LRP1B: variants seen among roughly 807,000 people sequenced by gnomAD.
LRP1B encodes low-density lipoprotein receptor-related protein 1B.
LRP1B carries 217 observed loss-of-function variants against 556.6 expected under a neutral mutation model. The observed-to-expected ratio is 0.39, with a 90% CI of 0.35 to 0.44. The LOEUF (loss-of-function observed/expected upper bound fraction) is 0.44, where lower values mean the gene tolerates loss of function less well. Among genes scored for constraint, LRP1B ranks in the 20% least tolerant of loss-of-function variants. The pLI is 1.00. For synonymous variants in LRP1B, 2,047 were observed against 1,865.8 expected, an observed-to-expected ratio of 1.10 and a Z score of -2.50; for missense variants, 5,053 against 5,620.8, an observed-to-expected ratio of 0.90 and a Z score of 3.23.
chr2:140,660,756 G>A (rs931987966), intron 41 of LRP1B, among the ~76,000 whole-genome samples: 2 of 152,014 alleles, frequency 1.3e-5, no homozygotes, highest in African/African-American at 4.8e-5. Context: ...AGGTACACCA[G>A]AGTTAAATAT....
intron 3 of LRP1B, among the ~76,000 whole-genome samples, chr2:141,404,560 G>C (rs1573907090): frequency 6.6e-6 from 1 of 152,160 alleles, no homozygotes; most frequent in African/African-American, 2.4e-5. Flanking sequence ...ATAAATCTGA[G>C]TGTAGAAATG....
rs1011683169 is a variant in LRP1B, at chr2:140,364,770, A to G, written c.11022T>C (p.Cys3674=). Residue 3674 remains cysteine, a synonymous_variant, in exon 72 of 91, where the codon TGT becomes TGC. Coordinates refer to ENST00000389484, the MANE Select transcript of LRP1B (RefSeq NM_018557.3). ...TATTGCAAAGGAACTCATCAGCTCTACATATATTTCCTCCTTTATTTTAAA... is the reference window on the plus strand; with the variant it reads ...TATTGCAAAGGAACTCATCAGCTCTGCATATATTTCCTCCTTTATTTTAAA... ...EENCERGGNI[C]RADEFLCNNS... The G allele has an allele frequency of 3.1e-6, 5 of 1,609,474 alleles. No individual in the cohort carries two copies. The highest frequency in any genetic ancestry group is 4.2e-6 in the Non-Finnish European group (5 of 1,177,042).
chr2:140,787,129 T>A (rs1689932965), intron 32 of LRP1B, among the ~76,000 whole-genome samples: 1 of 152,238 alleles, frequency 6.6e-6, no homozygotes, highest in African/African-American at 2.4e-5. Flanking sequence ...TTATATTAAA[T>A]ATCCATCTTA....
chr2:141,576,098 T>C (rs534486816), intron 2 of LRP1B, among the ~76,000 whole-genome samples: 1 of 152,332 alleles, frequency 6.6e-6, no homozygotes, highest in African/African-American at 2.4e-5. Context: ...ACTGGGTGTA[T>C]ACCCAAAGGA....
At chr2:140,360,319 A>G (rs540537801) in intron 72 of LRP1B, among the ~76,000 whole-genome samples, 1 of 151,488 alleles carries the variant, frequency 6.6e-6, no homozygotes, top group South Asian at 2.1e-4. Context: ...CCTTGCTTTA[A>G]GTGAAATTTG....
chr2:140,702,168 A>C lies in LRP1B; in HGVS notation c.6275T>G (p.Phe2092Cys). ...SNVDMFSVAV[F>C]GAYIYWSDRA... ...GTCAGACCAGTAGATGTAAGCCCCAAAGACTGCAACTGAAAACATATCCAC... is the reference window on the plus strand; with the variant it reads ...GTCAGACCAGTAGATGTAAGCCCCACAGACTGCAACTGAAAACATATCCAC... Residue 2092 changes from phenylalanine (F) to cysteine (C), a missense_variant, in exon 39 of 91, where the codon TTT becomes TGT. Phe to Cys is a radical substitution (Grantham distance 205). This residue lies in a region of LRP1B where 3,619 missense variants were observed against 3,931.9 expected (regional missense o/e 0.92). Transcript: ENST00000389484. 1 of 1,613,558 alleles carries C rather than the reference A, an allele frequency of 6.2e-7. No homozygotes were observed. The highest frequency in any genetic ancestry group is 8.5e-7 in the Non-Finnish European group (1 of 1,179,714).
chr2:141,892,206 C>A (rs1699312965), intron 1 of LRP1B, among the ~76,000 whole-genome samples: 1 of 150,538 alleles, frequency 6.6e-6, no homozygotes, highest in African/African-American at 2.4e-5. Flanking sequence ...ATGAAAGAAG[C>A]CAAGAAAAAA....
intron 66 of LRP1B, among the ~76,000 whole-genome samples, chr2:140,434,064 A>T (rs72895991): frequency 0.28 from 40,071 of 140,626 alleles, 5,722 homozygotes; most frequent in African/African-American, 0.33. Flanking sequence ...TCTTTCTTTT[A>T]TTTATTTATT....
At chr2:141,187,658 T>C (rs574316122) in intron 7 of LRP1B, among the ~76,000 whole-genome samples, 1 of 152,036 alleles carries the variant, frequency 6.6e-6, no homozygotes. Context: ...ACCATATTTG[T>C]AAAATAAAAG....
rs1680168954 is a variant in LRP1B, at chr2:140,322,088, A to G, written c.12515T>C (p.Leu4172Ser). 3 of 1,610,822 alleles carry G rather than the reference A, an allele frequency of 1.9e-6. No individual in the cohort carries two copies. The highest frequency in any genetic ancestry group is 2.2e-5 in the South Asian group (2 of 90,588). The stretch of plus-strand genomic sequence containing the variant: ...TGCTAAATCCAAGCATGGATTGGGT[A>G]CTGGTGAAACAAAAGAAAACAAAGA... ...LISHRYKQLD[L>S]PNPCLDLACE... Residue 4172 changes from leucine to serine, a missense_variant and splice_region_variant, in exon 82 of 91, where the codon TTA becomes TCA. Physicochemically the swap from Leu to Ser is moderately radical, Grantham distance 145 (BLOSUM62 -2). Transcript: ENST00000389484.
intron 2 of LRP1B, among the ~76,000 whole-genome samples, chr2:141,554,846 G>T (rs999880869): frequency 6.6e-6 from 1 of 152,084 alleles, no homozygotes; most frequent in East Asian, 1.9e-4. Flanking sequence ...CACTGTGCTT[G>T]TTAGGAATGC....
intron 2 of LRP1B, among the ~76,000 whole-genome samples, chr2:141,791,038 G>T (rs1054210835): frequency 2.0e-5 from 3 of 151,764 alleles, no homozygotes; most frequent in African/African-American, 7.3e-5. Flanking sequence ...GCTAGTAAGT[G>T]AAGTTCTGTT....
At chr2:141,336,114 C>CA (rs60102985) in intron 3 of LRP1B, among the ~76,000 whole-genome samples, 2,105 of 92,958 alleles carry the variant, frequency 0.023, 79 homozygotes, top group East Asian at 0.068. Flanking sequence ...CAGACCTGTC[C>CA]AAAAAAAAAA....
chr2:141,264,855 G>A (rs1319287475), intron 3 of LRP1B, among the ~76,000 whole-genome samples: 1 of 152,088 alleles, frequency 6.6e-6, no homozygotes, highest in Admixed American at 6.6e-5. Context: ...GACTAACTAC[G>A]TGGCTGTGCC....
intron 41 of LRP1B, among the ~76,000 whole-genome samples, chr2:140,611,903 T>C (rs1683084674): frequency 6.6e-6 from 1 of 151,992 alleles, no homozygotes; most frequent in African/African-American, 2.4e-5. Flanking sequence ...ATAGGAAAAA[T>C]AAATGCTCAC....
intron 3 of LRP1B, among the ~76,000 whole-genome samples, chr2:141,279,973 C>T (rs1314035534): frequency 6.6e-6 from 1 of 152,012 alleles, no homozygotes; most frequent in Admixed American, 6.6e-5. Flanking sequence ...CTGTGGGTCC[C>T]TTATCTCTTC....
intron 18 of LRP1B, among the ~76,000 whole-genome samples, 176 bp from the exon 19 acceptor site, chr2:140,952,116 A>G (rs1297312843): frequency 6.6e-6 from 1 of 152,208 alleles, no homozygotes; most frequent in Non-Finnish European, 1.5e-5. Context: ...GGACACACAT[A>G]CTTTTAATAT....
At chr2:141,267,012 C>T (rs2105361728) in intron 3 of LRP1B, among the ~76,000 whole-genome samples, 1 of 152,210 alleles carries the variant, frequency 6.6e-6, no homozygotes, top group Admixed American at 6.5e-5. Context: ...TCTTTTCAGA[C>T]TAATTATATG....
At chr2:141,604,659 G>A (rs937774259) in intron 2 of LRP1B, among the ~76,000 whole-genome samples, 1 of 151,872 alleles carries the variant, frequency 6.6e-6, no homozygotes. Context: ...TGGTGCCTTC[G>A]TTTTAGCCTT....
Sources: allele counts gnomAD v4.1 joint callset (sites outside exome capture counted in the v4.1 genomes callset), GRCh38; gene constraint gnomAD v4.1.1; regional missense constraint gnomAD v4.1.1; transcripts MANE v1.5; gene names NCBI Gene and HGNC (gene_info 2026-07-23, HGNC 2026-07-21).